The following LCA5L variants were observed in gnomAD, a reference collection of about 807,000 sequenced individuals.
The protein encoded by LCA5L is lebercilin-like protein.
LCA5L carries 35 observed loss-of-function variants against 45.4 expected under a neutral mutation model. The ratio of observed to expected loss-of-function variants is 0.77; its 90% CI spans 0.59 to 1.02. The LOEUF is 1.02. Among genes scored for constraint, LCA5L ranks in the 50% least tolerant of loss-of-function variants. The pLI is 0.00. For missense variants in LCA5L, 668 were observed against 761.6 expected (o/e 0.88, Z 1.45); for synonymous variants, 233 against 264.7 (o/e 0.88, Z 1.16).
intron 3 of LCA5L, among the ~76,000 whole-genome samples, chr21:39,435,184 G>A (rs1164803600): frequency 3.3e-5 from 5 of 152,196 alleles, no homozygotes; most frequent in Admixed American, 2.6e-4. Flanking sequence ...ATCTGATCTG[G>A]TTGAGGTTAC....
intron 7 of LCA5L, among the ~76,000 whole-genome samples, chr21:39,412,231 C>G (rs2040208403): frequency 6.6e-6 from 1 of 152,136 alleles, no homozygotes; most frequent in Non-Finnish European, 1.5e-5. Context: ...TGACTAGTGA[C>G]TACAGTATTG....
chr21:39,437,521 G>A (rs1016490954), intron 2 of LCA5L, among the ~76,000 whole-genome samples: 1 of 152,108 alleles, frequency 6.6e-6, no homozygotes, highest in African/African-American at 2.4e-5. Flanking sequence ...GTGCAGTAGC[G>A]TGATCACAGC....
At chr21:39,432,486 G>A (rs1328842837) in intron 3 of LCA5L, among the ~76,000 whole-genome samples, 1 of 152,048 alleles carries the variant, frequency 6.6e-6, no homozygotes, top group Non-Finnish European at 1.5e-5. Context: ...CTAAGCCTTT[G>A]GGATACAATT....
intron 3 of LCA5L, among the ~76,000 whole-genome samples, chr21:39,433,817 T>G (rs2076014892): frequency 6.7e-6 from 1 of 149,826 alleles, no homozygotes; most frequent in African/African-American, 2.5e-5. Flanking sequence ...CAGGCTGGAG[T>G]GCAGTGGCAC....
At chr21:39,440,187 A>C (rs1427601403) in intron 2 of LCA5L, among the ~76,000 whole-genome samples, 1 of 152,114 alleles carries the variant, frequency 6.6e-6, no homozygotes, top group Non-Finnish European at 1.5e-5. Context: ...TCCACTAAAT[A>C]CCATTCTCTG....
At position 39,410,283 on chromosome 21, in the gene LCA5L, A is replaced by G; in HGVS notation, c.1145T>C (p.Val382Ala). The change falls in exon 9 of 11, where the codon GTT becomes GCT. Residue 382 changes from valine (V) to alanine (A), a missense_variant. Transcript: ENST00000288350. ...CTGTACCTTAGTTGTCAAAGGTGGA[A>G]CATCTGATTTTTGGGTTCCCTGGTG... ...MRHQGTQKSDVPPLTTKGKKA... is the reference protein window; with the variant it reads ...MRHQGTQKSDAPPLTTKGKKA... 1.9e-6 allele frequency: 3 copies of G among 1,606,250 alleles called. No homozygotes were observed. The highest frequency in any genetic ancestry group is 2.6e-6 in the Non-Finnish European group (3 of 1,175,540).
chr21:39,422,951 C>T (rs1167952072), intron 6 of LCA5L, 25 bp downstream of exon 6: 2 of 1,599,462 alleles, frequency 1.3e-6, no homozygotes, highest in East Asian at 2.2e-5. Context: ...GAATCTTAAA[C>T]TGTCTGGGCC....
chr21:39,418,119 C>G (rs2041616512), intron 7 of LCA5L, among the ~76,000 whole-genome samples: 1 of 152,142 alleles, frequency 6.6e-6, no homozygotes, highest in Admixed American at 6.5e-5. Flanking sequence ...TTCACTATCA[C>G]AAGAACAGCA....
At chr21:39,445,069 A>G (rs1019513028) in intron 1 of LCA5L, among the ~76,000 whole-genome samples, 9 of 142,216 alleles carry the variant, frequency 6.3e-5, no homozygotes, top group African/African-American at 2.1e-4. Flanking sequence ...GTGTAGACAG[A>G]AAAAAGGCTC....
At chr21:39,416,916 C>T (rs1487596221) in intron 7 of LCA5L, among the ~76,000 whole-genome samples, 1 of 152,176 alleles carries the variant, frequency 6.6e-6, no homozygotes, top group Admixed American at 6.5e-5. Flanking sequence ...GGCTTTGTGC[C>T]ACCAATAGGA....
intron 7 of LCA5L, among the ~76,000 whole-genome samples, chr21:39,419,523 C>CAAAAAAAAAAA (rs5843964): frequency 2.4e-5 from 3 of 123,530 alleles, no homozygotes; most frequent in African/African-American, 7.1e-5. Context: ...AGACCCTGTT[C>CAAAAAAAAAAA]AAAAAAAAAA....
chr21:39,406,081 G>A lies in LCA5L; in HGVS notation c.1814C>T (p.Ser605Leu). The A allele has an allele frequency of 5.0e-6, 8 of 1,614,156 alleles. No individual in the cohort carries two copies. The highest frequency in any genetic ancestry group is 6.8e-6 in the Non-Finnish European group (8 of 1,179,992). ...TTGGTCAGTTTTCAAGACATAGCCTGATCCAAAGAGTTCTTCCATGAGACT... is the reference window on the plus strand; with the variant it reads ...TTGGTCAGTTTTCAAGACATAGCCTAATCCAAAGAGTTCTTCCATGAGACT... ...KSSLMEELFG[S>L]GYVLKTDQSS... Residue 605 changes from serine (S) to leucine (L), a missense_variant, in exon 11 of 11, where the codon TCA (serine) becomes TTA (leucine). Ser to Leu is a moderately radical substitution (Grantham distance 145). Transcript: ENST00000288350.
intron 10 of LCA5L, chr21:39,408,581 T>G (rs576528596): frequency 1.3e-5 from 2 of 152,462 alleles, no homozygotes; most frequent in Admixed American, 1.3e-4. Context: ...TGATGAAGTG[T>G]TGTACTCTCT....
At chr21:39,428,130 A>T (rs756673584) in intron 5 of LCA5L, 42 bp downstream of exon 5, 1 of 1,145,706 alleles carries the variant, frequency 8.7e-7, no homozygotes, top group Non-Finnish European at 1.3e-6. Flanking sequence ...TAACATCATT[A>T]TGACAGAAAT....
Position 39,440,563 on chromosome 21 carries a change from A to G in LCA5L, c.-246+3572T>C, listed in dbSNP as rs768377818. Reference sequence around the variant, plus strand: ...AAAAAAACAAAACAAAATGGGATTTACCACGTCAGAGTATCTCTTCCCAAA... The same window carrying G: ...AAAAAAACAAAACAAAATGGGATTTGCCACGTCAGAGTATCTCTTCCCAAA... On this transcript the variant is annotated intron_variant, in intron 2 of 10. Coordinates refer to ENST00000288350, the MANE Select transcript of LCA5L (RefSeq NM_152505.4). Among the ~76,000 whole-genome samples, 8 of 152,336 alleles carry G rather than the reference A, an allele frequency of 5.3e-5. No homozygotes were observed. In the South Asian group the frequency reaches 1.0e-3, roughly 20 times the overall value.
At chr21:39,410,198 T>C in intron 9 of LCA5L, 66 bp downstream of exon 9, 1 of 1,253,146 alleles carries the variant, frequency 8.0e-7, no homozygotes, top group Admixed American at 1.8e-5. Context: ...ATAGAACAAG[T>C]GACTGTAGCC....
chr21:39,440,198 C>T (rs2148271908), intron 2 of LCA5L, among the ~76,000 whole-genome samples: 1 of 152,248 alleles, frequency 6.6e-6, no homozygotes, highest in African/African-American at 2.4e-5. Flanking sequence ...CCATTCTCTG[C>T]TATAATGAAT....
At chr21:39,407,497 A>G (rs2039283816) in intron 10 of LCA5L, among the ~76,000 whole-genome samples, 2 of 152,210 alleles carry the variant, frequency 1.3e-5, no homozygotes, top group African/African-American at 2.4e-5. Flanking sequence ...GGATAAGTGC[A>G]ACGATGTTCA....
intron 7 of LCA5L, among the ~76,000 whole-genome samples, chr21:39,413,290 G>C (rs977540927): frequency 6.6e-6 from 1 of 152,138 alleles, no homozygotes; most frequent in Non-Finnish European, 1.5e-5. Flanking sequence ...TCTCCACTGA[G>C]ACAGAAGATA....
Sources: allele counts gnomAD v4.1 joint callset (sites outside exome capture counted in the v4.1 genomes callset), GRCh38; gene constraint gnomAD v4.1.1; transcripts MANE v1.5; gene names NCBI Gene and HGNC (gene_info 2026-07-23, HGNC 2026-07-21).